The following ZNF185 variants were observed in gnomAD, a reference collection of about 807,000 sequenced individuals.
The protein encoded by ZNF185 is zinc finger protein 185 with LIM domain.
Under a neutral mutation model 58.6 loss-of-function variants are expected in ZNF185, and 56 were observed. The observed-to-expected ratio is 0.95, with a 90% CI of 0.77 to 1.19. The LOEUF (loss-of-function observed/expected upper bound fraction) is 1.19, where lower values mean the gene tolerates loss of function less well. Among genes scored for constraint, ZNF185 ranks in the 50% most tolerant of loss-of-function variants. The pLI, the probability that ZNF185 is intolerant of heterozygous loss-of-function variation, is 0.00. For missense variants in ZNF185, 627 were observed against 573.5 expected (o/e 1.09, Z -0.95); for synonymous variants, 230 against 215.9 (o/e 1.07, Z -0.57).
exon 17 of ZNF185, chrX:152,959,872 T>C (rs2049286316): frequency 8.3e-7 from 1 of 1,210,748 alleles, no homozygotes; most frequent in African/African-American, 1.7e-5. Context: ...GAGCAATTCG[T>C]CAGACGAGAG....
intron 5 of ZNF185, chrX:152,917,726 C>A: frequency 2.4e-6 from 2 of 830,402 alleles, no homozygotes; most frequent in Non-Finnish European, 3.2e-6. Flanking sequence ...ACTTGACTTG[C>A]TGATGGCATT....
At chrX:152,929,562 C>T (rs1941565271) in intron 12 of ZNF185, among the ~76,000 whole-genome samples, 1 of 111,450 alleles carries the variant, frequency 9.0e-6, no homozygotes, top group African/African-American at 3.3e-5. Flanking sequence ...TCCCTTTACC[C>T]TCCTCCTTGG....
At chrX:152,911,209 C>T (rs187695307), upstream of ZNF185, among the ~76,000 whole-genome samples, 7 of 111,744 alleles carry the variant, frequency 6.3e-5, no homozygotes, top group African/African-American at 2.0e-4. Context: ...GGGCTTAGCT[C>T]GGCGGAAGTT....
At chrX:152,938,907 AAAGAGGAGAAG>A (rs1556885806) in intron 15 of ZNF185, among the ~76,000 whole-genome samples, 6 of 84,986 alleles carry the variant, frequency 7.1e-5, no homozygotes, top group African/African-American at 3.4e-4. Context: ...GATCTCCTCT[AAAGAGGAGAAG>A]GAGCCAACTC....
intron 16 of ZNF185, among the ~76,000 whole-genome samples, chrX:152,957,068 G>A (rs1409816815): frequency 2.1e-5 from 2 of 97,091 alleles, no homozygotes; most frequent in East Asian, 3.2e-4. Context: ...TTTTTTACAA[G>A]GTTAATTTTT....
chrX:152,918,283 C>A, intron 6 of ZNF185, 129 bp downstream of exon 7: 1 of 777,965 alleles, frequency 1.3e-6, no homozygotes, highest in Non-Finnish European at 1.9e-6. Context: ...GCCTGACACT[C>A]CCTGCCAGTT....
chrX:152,941,626 A>T lies in ZNF185; in HGVS notation c.1211+3463A>T, dbSNP rs781946613. ...CGGCGAGCACGCGCCCGTAGTGAGTACGCCTGCGTAGGCCGCCATTTCTTG... is the reference window on the plus strand; with the variant it reads ...CGGCGAGCACGCGCCCGTAGTGAGTTCGCCTGCGTAGGCCGCCATTTCTTG... On this transcript the variant is annotated intron_variant, in intron 15 of 22. Coordinates refer to ENST00000449285, the Ensembl canonical transcript of ZNF185. The T allele has an allele frequency of 8.8e-6, 10 of 1,138,265 alleles. No individual in the cohort carries two copies. In the African/African-American group the frequency reaches 1.3e-4, roughly 14 times the overall value. 93.8% of individuals were successfully genotyped at this position (1,138,265 alleles called of 1,213,427 possible).
chrX:152,956,655 C>G (rs2048867341), intron 16 of ZNF185, among the ~76,000 whole-genome samples: 1 of 111,971 alleles, frequency 8.9e-6, no homozygotes, highest in East Asian at 2.8e-4. Flanking sequence ...TGGAGAATCG[C>G]CTGAACCCAG....
At chrX:152,936,571 GC>G in intron 14 of ZNF185, 58 bp downstream of exon 16, 1 of 1,042,030 alleles carries the variant, frequency 9.6e-7, no homozygotes. Flanking sequence ...AGCCTTTGGG[GC>G]CCAGCCTCAG....
At chrX:152,922,626 G>T (rs985389196) in intron 10 of ZNF185, 94 bp from the exon 12 acceptor site, 7 of 829,328 alleles carry the variant, frequency 8.4e-6, no homozygotes, top group Non-Finnish European at 1.2e-5. Context: ...TGTCAGACTT[G>T]CTCCTTGCAC....
chrX:152,935,238 C>CT lies in ZNF185; in HGVS notation c.1121+2282dup, dbSNP rs61588750. On this transcript the variant is annotated intron_variant, in intron 14 of 22. Coordinates refer to ENST00000449285, the Ensembl canonical transcript of ZNF185. Reference sequence around the variant, plus strand: ...TCAACAAACTCCTTTATTGTTTTTCCTTTTTTTTTTTTTTTGAGACGGACT... The same window carrying CT: ...TCAACAAACTCCTTTATTGTTTTTCCTTTTTTTTTTTTTTTTGAGACGGACT... Among the ~76,000 whole-genome samples, 653 of 97,184 alleles carry CT rather than the reference C, an allele frequency of 6.7e-3. 9 individuals are homozygous for CT. Among genetic ancestry groups the CT allele is most frequent in the African/African-American group, 0.021 (550 of 26,557 alleles). 84.4% of individuals were successfully genotyped at this position (97,184 alleles called of 115,157 possible).
intron 3 of ZNF185, among the ~76,000 whole-genome samples, chrX:152,916,309 T>C (rs782069074): frequency 1.8e-5 from 2 of 111,060 alleles, no homozygotes; most frequent in African/African-American, 6.5e-5. Flanking sequence ...CCTGACCCCT[T>C]GACTCCTCCC....
chrX:152,937,305 T>C (rs1335105281), intron 14 of ZNF185, among the ~76,000 whole-genome samples: 1 of 111,842 alleles, frequency 8.9e-6, no homozygotes, highest in Non-Finnish European at 1.9e-5. Context: ...TTTCTCAAAC[T>C]AGCTTTCTCA....
the ZNF185 span, among the ~76,000 whole-genome samples, chrX:152,902,341 G>C: frequency 8.9e-6 from 1 of 112,598 alleles, no homozygotes; most frequent in Non-Finnish European, 1.9e-5. Context: ...CTTTGGCTCA[G>C]CACGCCACTT....
chrX:152,965,517 C>A, exon 19 of ZNF185: 1 of 1,183,787 alleles, frequency 8.4e-7, no homozygotes. Flanking sequence ...AGTATCTGCA[C>A]GCTATAGCAA....
chrX:152,945,192 C>T, intron 15 of ZNF185, 75 bp from the exon 18 acceptor site: 1 of 1,086,151 alleles, frequency 9.2e-7, no homozygotes, highest in Non-Finnish European at 1.2e-6. Context: ...GAGGTGACAG[C>T]CAGCTTGCGT....
At chrX:152,948,084 A>T (rs781887415) in intron 16 of ZNF185, among the ~76,000 whole-genome samples, 66 of 111,913 alleles carry the variant, frequency 5.9e-4, no homozygotes, top group Middle Eastern at 4.6e-3. Context: ...AAAATTTTGG[A>T]TAAATGGAAG....
At chrX:152,958,818 G>A (rs146578147) in intron 16 of ZNF185, among the ~76,000 whole-genome samples, 1,879 of 111,732 alleles carry the variant, frequency 0.017, 34 homozygotes, top group African/African-American at 0.058. Context: ...AGACAAGAAG[G>A]TTCCACATGT....
Position 152,946,134 on chromosome X carries a change from C to T in ZNF185, c.1409+670C>T, listed in dbSNP as rs182535852. On this transcript the variant is annotated intron_variant, in intron 16 of 22. Transcript: ENST00000449285. ...CTGCATGTCCTTGCAGCTCTGGACA[C>T]GTCAACAGGCCAGTGATTCCAGGGG... 3.4e-4 allele frequency among the ~76,000 whole-genome samples: 38 copies of T among 112,548 alleles called. 2 individuals are homozygous for T. The highest frequency in any genetic ancestry group is 1.9e-4 in the Admixed American group (2 of 10,684).
Sources: gnomAD v4.1 joint callset for allele counts (sites outside exome capture counted in the v4.1 genomes callset) on GRCh38, gnomAD v4.1.1 for gene constraint, MANE v1.5 for transcripts, NCBI Gene and HGNC (gene_info 2026-07-23, HGNC 2026-07-21) for gene names.